Variants in FMNL2 observed in about 807,000 individuals in gnomAD.
FMNL2 encodes formin-like protein 2.
Under a neutral mutation model 130.2 loss-of-function variants are expected in FMNL2, and 51 were observed. The observed-to-expected ratio is 0.39, with a 90% CI of 0.31 to 0.49. FMNL2 has a LOEUF of 0.49. Ranked by LOEUF, FMNL2 falls within the 20% of genes least tolerant of loss-of-function variation. The probability of loss-of-function intolerance (pLI) is 0.85; values close to 1 mark genes in which losing one functional copy is unlikely to be tolerated. For missense variants in FMNL2, 977 were observed against 1,316.2 expected, an observed-to-expected ratio of 0.74 and a Z score of 3.99; for synonymous variants, 465 against 467.1, an observed-to-expected ratio of 1.00 and a Z score of 0.06.
At chr2:152,336,092 A>AAAAACAAAACAAAACAAAAC (rs4035883) in intron 1 of FMNL2, among the ~76,000 whole-genome samples, 272 of 132,332 alleles carry the variant, frequency 2.1e-3, no homozygotes, top group East Asian at 5.9e-3. Flanking sequence ...TTTTTTTAAA[A>AAAAACAAAACAAAACAAAAC]AAAACAAAAC....
Position 152,457,091 on chromosome 2 carries a change from C to T in FMNL2, c.118-64852C>T, listed in dbSNP as rs188214480. On this transcript the variant is annotated intron_variant, in intron 1 of 25. Coordinates refer to ENST00000288670, the MANE Select transcript of FMNL2 (RefSeq NM_052905.4). The stretch of plus-strand genomic sequence containing the variant: ...AGAATGGAGTTGACTGTTAAACAGT[C>T]TGGTAAATATTGGAAATAAATTAGA... Among the ~76,000 whole-genome samples, 285 of 151,322 alleles carry T rather than the reference C, an allele frequency of 1.9e-3. 1 individual carries two copies. Among genetic ancestry groups the T allele is most frequent in the African/African-American group, 6.8e-3 (278 of 41,154 alleles).
intron 1 of FMNL2, among the ~76,000 whole-genome samples, chr2:152,443,712 C>G (rs759009513): frequency 3.3e-5 from 5 of 151,906 alleles, no homozygotes; most frequent in Non-Finnish European, 7.4e-5. Flanking sequence ...GCGTGGTGGC[C>G]GGCATCTGTA....
At chr2:152,645,481 G>A (rs1475081915) in intron 25 of FMNL2, 1 of 1,290,172 alleles carries the variant, frequency 7.8e-7, no homozygotes. Context: ...TCACTCGAGG[G>A]TAAGGATTTC....
chr2:152,503,588 C>G (rs1475811185), intron 1 of FMNL2, among the ~76,000 whole-genome samples: 2 of 152,122 alleles, frequency 1.3e-5, no homozygotes, highest in African/African-American at 4.8e-5. Context: ...AAATCTATAT[C>G]ACTGGTCAGT....
chr2:152,566,738 G>C (rs1030872692), intron 6 of FMNL2, among the ~76,000 whole-genome samples: 15 of 152,164 alleles, frequency 9.9e-5, no homozygotes, highest in African/African-American at 2.7e-4. Context: ...TTGTGTACAT[G>C]AGCACATATA....
chr2:152,509,473 A>T (rs1352559510), intron 1 of FMNL2, among the ~76,000 whole-genome samples: 3 of 152,014 alleles, frequency 2.0e-5, no homozygotes, highest in Admixed American at 1.3e-4. Flanking sequence ...TATAGAAAGC[A>T]TCCAAATATG....
chr2:152,391,908 G>GTT (rs10584642), intron 1 of FMNL2, among the ~76,000 whole-genome samples: 1,657 of 110,974 alleles, frequency 0.015, 41 homozygotes, highest in South Asian at 0.072. Context: ...GCTAGAAGTT[G>GTT]TTTTTTTTTT....
chr2:152,349,447 G>T (rs1159259075), intron 1 of FMNL2, among the ~76,000 whole-genome samples: 1 of 152,224 alleles, frequency 6.6e-6, no homozygotes, highest in African/African-American at 2.4e-5. Context: ...ATCCAGGCCT[G>T]CCTGAGACAG....
Position 152,446,249 on chromosome 2 carries a change from A to AT in FMNL2, c.118-75689dup, listed in dbSNP as rs370066579. 4.7e-3 allele frequency among the ~76,000 whole-genome samples: 714 copies of AT among 152,312 alleles called. 5 individuals carry two copies. Among genetic ancestry groups the AT allele is most frequent in the African/African-American group, 0.016 (678 of 41,554 alleles). On this transcript the variant is annotated intron_variant, in intron 1 of 25. Coordinates refer to ENST00000288670, the MANE Select transcript of FMNL2 (RefSeq NM_052905.4). Reference sequence around the variant, plus strand: ...AGCTTTTTAACCCAATGGCAAAATCATTTTTAATACTTACAAATACGGTCT... The same window carrying AT: ...AGCTTTTTAACCCAATGGCAAAATCATTTTTTAATACTTACAAATACGGTCT...
chr2:152,445,395 T>A (rs1688277670), intron 1 of FMNL2, among the ~76,000 whole-genome samples: 1 of 152,214 alleles, frequency 6.6e-6, no homozygotes, highest in Non-Finnish European at 1.5e-5. Flanking sequence ...TAAACTTCAG[T>A]TTAAATGTCC....
At chr2:152,552,521 T>G (rs536871097) in intron 4 of FMNL2, among the ~76,000 whole-genome samples, 1 of 152,312 alleles carries the variant, frequency 6.6e-6, no homozygotes, top group African/African-American at 2.4e-5. Context: ...AGCTGCAGCT[T>G]TGTCAAGCAA....
intron 1 of FMNL2, among the ~76,000 whole-genome samples, chr2:152,426,566 CT>C (rs1687213757): frequency 6.6e-6 from 1 of 152,174 alleles, no homozygotes. Context: ...GAAATGCTTT[CT>C]TTTGATCATC....
At position 152,369,923 on chromosome 2, in the gene FMNL2, G is replaced by A. The variant is rs529556300; in HGVS notation, c.117+34203G>A. Among the ~76,000 whole-genome samples, 3 of 152,266 alleles carry A rather than the reference G, an allele frequency of 2.0e-5. No individual in the cohort carries two copies. The East Asian group carries it at 5.8e-4, about 29-fold the overall frequency. The stretch of plus-strand genomic sequence containing the variant: ...GTTTTGTTGATTTGTTCTTTGCTGT[G>A]TATTGTGGGGAATAGGGTATGTGTA... On this transcript the variant is annotated intron_variant, in intron 1 of 25. Coordinates refer to ENST00000288670, the MANE Select transcript of FMNL2 (RefSeq NM_052905.4).
At chr2:152,420,399 GA>G (rs751801302) in intron 1 of FMNL2, among the ~76,000 whole-genome samples, 4 of 152,212 alleles carry the variant, frequency 2.6e-5, no homozygotes, top group South Asian at 4.1e-4. Flanking sequence ...ATGCCAGTAG[GA>G]AAAAAAGTCA....
At chr2:152,614,580 T>A (rs1422510943) in intron 11 of FMNL2, among the ~76,000 whole-genome samples, 1 of 151,744 alleles carries the variant, frequency 6.6e-6, no homozygotes, top group East Asian at 1.9e-4. Flanking sequence ...CCGTCTCTAC[T>A]AAAAATACAA....
Position 152,410,672 on chromosome 2 carries a change from C to T in FMNL2, c.117+74952C>T, listed in dbSNP as rs150681252. ...GTGGACCACCATCCCTTCACCCCCA[C>T]CCCACCAAGGTCTGTCTGTGCTTGG... On this transcript the variant is annotated intron_variant, in intron 1 of 25. Transcript: ENST00000288670. 2.5e-3 allele frequency among the ~76,000 whole-genome samples: 387 copies of T among 152,334 alleles called. 1 individual carries two copies. Among genetic ancestry groups the T allele is most frequent in the Middle Eastern group, 0.01 (3 of 294 alleles).
intron 1 of FMNL2, among the ~76,000 whole-genome samples, chr2:152,500,827 G>A (rs761726643): frequency 2.8e-4 from 42 of 152,302 alleles, no homozygotes; most frequent in Non-Finnish European, 5.3e-4. Context: ...TCCAGCCTGG[G>A]TAAAACAAAC....
intron 15 of FMNL2, among the ~76,000 whole-genome samples, chr2:152,620,707 C>T (rs971218723): frequency 6.6e-6 from 1 of 152,216 alleles, no homozygotes; most frequent in Non-Finnish European, 1.5e-5. Flanking sequence ...CAATCTCCAT[C>T]CCTTCCAGGA....
At chr2:152,363,833 G>A (rs1010089748) in intron 1 of FMNL2, among the ~76,000 whole-genome samples, 2 of 152,184 alleles carry the variant, frequency 1.3e-5, no homozygotes, top group Admixed American at 1.3e-4. Flanking sequence ...AAGTTGCTGG[G>A]ATTACAGATG....
Sources: allele counts gnomAD v4.1 joint callset (sites outside exome capture counted in the v4.1 genomes callset), GRCh38; gene constraint gnomAD v4.1.1; transcripts MANE v1.5; gene names NCBI Gene and HGNC (gene_info 2026-07-23, HGNC 2026-07-21).